The following SVIL variants were observed in gnomAD, a reference collection of about 807,000 sequenced individuals.
SVIL encodes the protein archvillin.
SVIL carries 101 observed loss-of-function variants against 240.4 expected under a neutral mutation model. The observed-to-expected ratio is 0.42, with a 90% CI of 0.36 to 0.50. The LOEUF (loss-of-function observed/expected upper bound fraction) is 0.50, where lower values mean the gene tolerates loss of function less well. Among genes scored for constraint, SVIL ranks in the 20% least tolerant of loss-of-function variants. The probability of loss-of-function intolerance (pLI) is 0.01; values close to 1 mark genes in which losing one functional copy is unlikely to be tolerated. For missense variants in SVIL, 2,512 were observed against 2,818.7 expected, an observed-to-expected ratio of 0.89 and a Z score of 2.46; for synonymous variants, 999 against 1,100.0, an observed-to-expected ratio of 0.91 and a Z score of 1.82.
chr10:29,550,468 A>G (rs910316347), intron 6 of SVIL, 129 bp downstream of exon 6: 1 of 1,101,434 alleles, frequency 9.1e-7, no homozygotes, highest in Admixed American at 2.9e-5. Flanking sequence ...AGAATCATAT[A>G]CTATGATATT....
At chr10:29,649,730 G>C (rs1017093066) in intron 3 of SVIL, among the ~76,000 whole-genome samples, 4 of 152,160 alleles carry the variant, frequency 2.6e-5, no homozygotes, top group Non-Finnish European at 5.9e-5. Flanking sequence ...CATCCAAGAT[G>C]AGCAGTCCCT....
At chr10:29,499,999 A>C (rs115601379) in intron 17 of SVIL, among the ~76,000 whole-genome samples, 37 of 152,078 alleles carry the variant, frequency 2.4e-4, no homozygotes, top group Non-Finnish European at 4.7e-4. Flanking sequence ...CAAGCCATTG[A>C]TGATGCTCAT....
chr10:29,726,112 G>T lies in SVIL; in HGVS notation c.-400+9639C>A, dbSNP rs547684425. On this transcript the variant is annotated intron_variant, in intron 1 of 35. Transcript: ENST00000375400. ...AATTTTTAAATTTTTTGTAGAGATGGGGTCTTACTAAGTTGCCCAGGCTGG... is the reference window on the plus strand; with the variant it reads ...AATTTTTAAATTTTTTGTAGAGATGTGGTCTTACTAAGTTGCCCAGGCTGG... Among the ~76,000 whole-genome samples the T allele has an allele frequency of 6.6e-5, 10 of 152,004 alleles. No homozygotes were observed. The South Asian group carries it at 1.9e-3, about 29-fold the overall frequency.
intron 6 of SVIL, among the ~76,000 whole-genome samples, chr10:29,542,549 T>C (rs949938983): frequency 1.3e-4 from 20 of 152,242 alleles, no homozygotes; most frequent in Admixed American, 1.3e-3. Flanking sequence ...TTTCTGTGGG[T>C]ACATAGCAAG....
intron 34 of SVIL, 60 bp downstream of exon 34, chr10:29,465,535 A>G: frequency 2.0e-6 from 3 of 1,538,160 alleles, no homozygotes; most frequent in Non-Finnish European, 1.7e-6. Flanking sequence ...GTAAAATCAA[A>G]AGGCTTTCTG....
At chr10:29,684,330 G>A (rs995264687) in intron 2 of SVIL, among the ~76,000 whole-genome samples, 1 of 152,122 alleles carries the variant, frequency 6.6e-6, no homozygotes, top group African/African-American at 2.4e-5. Flanking sequence ...CTGAGAACAT[G>A]TACCCAAGGC....
intron 18 of SVIL, among the ~76,000 whole-genome samples, chr10:29,495,944 A>G (rs1948411537): frequency 6.6e-6 from 1 of 152,208 alleles, no homozygotes; most frequent in African/African-American, 2.4e-5. Flanking sequence ...TTGGAAAGAA[A>G]ACTGATTAGT....
chr10:29,549,107 A>T (rs1318892401), intron 6 of SVIL, among the ~76,000 whole-genome samples: 1 of 151,168 alleles, frequency 6.6e-6, no homozygotes, highest in Non-Finnish European at 1.5e-5. Flanking sequence ...AAATTTTCAC[A>T]ACCTACTCAT....
chr10:29,724,832 G>C (rs372785015), intron 1 of SVIL, among the ~76,000 whole-genome samples: 1 of 151,964 alleles, frequency 6.6e-6, no homozygotes, highest in South Asian at 2.1e-4. Flanking sequence ...GACCAGCCTG[G>C]TCAACATGGT....
At position 29,650,985 on chromosome 10, in the gene SVIL, T is replaced by G. The variant is rs1376022099; in HGVS notation, c.-201+6984A>C. 7.9e-5 allele frequency among the ~76,000 whole-genome samples: 12 copies of G among 152,314 alleles called. No individual in the cohort carries two copies. In the South Asian group the frequency reaches 2.1e-3, roughly 26 times the overall value. On this transcript the variant is annotated intron_variant, in intron 3 of 35. Coordinates refer to the SVIL transcript ENST00000375400. ...TTCTGATTTCAAACAGAGATTTCTT[T>G]TTATCAATTTGACCTAGACTTTGAA... is the stretch of plus-strand genomic sequence containing the variant.
intron 17 of SVIL, among the ~76,000 whole-genome samples, chr10:29,501,700 G>A (rs543710751): frequency 6.6e-6 from 1 of 152,274 alleles, no homozygotes; most frequent in Admixed American, 6.5e-5. Flanking sequence ...AATAAACGAT[G>A]AGGTTCACTT....
intron 36 of SVIL, among the ~76,000 whole-genome samples, chr10:29,459,157 T>C (rs1225416151): frequency 6.6e-6 from 1 of 152,178 alleles, no homozygotes; most frequent in African/African-American, 2.4e-5. Flanking sequence ...TAACCCAGGC[T>C]GGAGGGCAGT....
chr10:29,661,170 GAA>G (rs560631781), intron 2 of SVIL, among the ~76,000 whole-genome samples: 11 of 118,350 alleles, frequency 9.3e-5, no homozygotes, highest in African/African-American at 2.5e-4. Flanking sequence ...CGTCTCACAA[GAA>G]AAAAAAAAAA....
intron 1 of SVIL, among the ~76,000 whole-genome samples, chr10:29,632,029 G>C (rs2132951675): frequency 6.6e-6 from 1 of 152,330 alleles, no homozygotes; most frequent in African/African-American, 2.4e-5. Flanking sequence ...AGATTCAGGA[G>C]ATGATTCCAA....
intron 2 of SVIL, among the ~76,000 whole-genome samples, chr10:29,679,992 C>T (rs1161280792): frequency 6.6e-6 from 1 of 151,734 alleles, no homozygotes; most frequent in Non-Finnish European, 1.5e-5. Flanking sequence ...AGACCCTCGG[C>T]AATATAGCGA....
At chr10:29,541,375 G>A (rs1019432183) in intron 6 of SVIL, among the ~76,000 whole-genome samples, 14 of 152,170 alleles carry the variant, frequency 9.2e-5, no homozygotes, top group African/African-American at 3.4e-4. Context: ...TGACTGGGAT[G>A]ATGATTATAC....
upstream of SVIL, among the ~76,000 whole-genome samples, chr10:29,638,521 C>G (rs1210390986): frequency 4.0e-5 from 6 of 151,854 alleles, no homozygotes; most frequent in Non-Finnish European, 8.8e-5. Context: ...CATCCCAACC[C>G]CAAAAAACAA....
intron 1 of SVIL, among the ~76,000 whole-genome samples, chr10:29,691,595 T>A (rs1961515738): frequency 6.6e-6 from 1 of 152,238 alleles, no homozygotes; most frequent in Admixed American, 6.5e-5. Context: ...TATGATTTAG[T>A]TTGTCCACTA....
intron 16 of SVIL, among the ~76,000 whole-genome samples, chr10:29,513,595 C>G (rs1950010659): frequency 6.6e-6 from 1 of 152,138 alleles, no homozygotes; most frequent in East Asian, 1.9e-4. Flanking sequence ...CTCTTAATAT[C>G]ATCCCTTTCA....
Sources: gnomAD v4.1 joint callset for allele counts (sites outside exome capture counted in the v4.1 genomes callset) on GRCh38, gnomAD v4.1.1 for gene constraint, MANE v1.5 for transcripts, NCBI Gene and HGNC (gene_info 2026-07-23, HGNC 2026-07-21) for gene names.